Variants in PRKCQ observed in about 807,000 individuals in gnomAD.
The protein encoded by PRKCQ is protein kinase C theta type.
In PRKCQ, 41 loss-of-function variants were observed where a neutral mutation model predicts 91.2. That is an observed-to-expected ratio of 0.45 (90% CI 0.35 to 0.58). The LOEUF (loss-of-function observed/expected upper bound fraction) is 0.58, where lower values mean the gene tolerates loss of function less well. PRKCQ is among the 20% of genes least tolerant of loss of function. The pLI is 0.00. For missense variants in PRKCQ, 673 were observed against 896.5 expected, an observed-to-expected ratio of 0.75 and a Z score of 3.18; for synonymous variants, 307 against 316.9, an observed-to-expected ratio of 0.97 and a Z score of 0.33.
chr10:6,466,261 T>A (rs1218726225), intron 12 of PRKCQ, among the ~76,000 whole-genome samples: 5 of 152,202 alleles, frequency 3.3e-5, no homozygotes, highest in Non-Finnish European at 7.3e-5. Context: ...GGGAGGGGAC[T>A]GGAGGCAACA....
At chr10:6,557,074 T>G (rs1272069636) in intron 1 of PRKCQ, among the ~76,000 whole-genome samples, 1 of 152,194 alleles carries the variant, frequency 6.6e-6, no homozygotes, top group Non-Finnish European at 1.5e-5. Context: ...CCACTCCCGC[T>G]TATAAACACC....
In PRKCQ at chr10:6,485,915, G is replaced by C. The variant is rs998647755; in HGVS notation, c.900+120C>G. 1.9e-5 allele frequency: 15 copies of C among 798,618 alleles called. No homozygotes were observed. In the East Asian group the frequency reaches 3.6e-4, roughly 19 times the overall value. 49.5% of individuals were successfully genotyped at this position (798,618 alleles called of 1,614,324 possible). A position where few individuals can be genotyped will look rare whatever the true frequency, so the allele number is the denominator to read the frequency against. ...GGATATGAAAGCCAAGGGCAAGGCCGGTGCTCAGAAATACATCCCGGCATT... is the reference window on the plus strand; with the variant it reads ...GGATATGAAAGCCAAGGGCAAGGCCCGTGCTCAGAAATACATCCCGGCATT... On this transcript the variant is annotated intron_variant, in intron 9 of 17. Coordinates refer to ENST00000263125, the MANE Select transcript of PRKCQ (RefSeq NM_006257.5).
chr10:6,532,322 T>G (rs956976237), intron 1 of PRKCQ, among the ~76,000 whole-genome samples: 1 of 152,236 alleles, frequency 6.6e-6, no homozygotes, highest in African/African-American at 2.4e-5. Context: ...AAGAAAAACA[T>G]GGTTTAAAAA....
intron 1 of PRKCQ, among the ~76,000 whole-genome samples, chr10:6,541,907 G>A (rs1281306299): frequency 6.6e-6 from 1 of 152,016 alleles, no homozygotes; most frequent in African/African-American, 2.4e-5. Flanking sequence ...CATTTCAAAT[G>A]ATTTTTTTTC....
At chr10:6,534,774 C>CTCTATATA (rs1554780269) in intron 1 of PRKCQ, among the ~76,000 whole-genome samples, 3 of 142,796 alleles carry the variant, frequency 2.1e-5, no homozygotes, top group African/African-American at 8.0e-5. Context: ...AAACATATAT[C>CTCTATATA]TATATATATA....
the PRKCQ span, among the ~76,000 whole-genome samples, chr10:6,396,542 C>T: frequency 6.6e-6 from 1 of 152,352 alleles, no homozygotes; most frequent in Non-Finnish European, 1.5e-5. Flanking sequence ...ACTACATGGT[C>T]TTTTGTGACT....
intron 2 of PRKCQ, among the ~76,000 whole-genome samples, chr10:6,511,533 T>C (rs1238688113): frequency 6.6e-6 from 1 of 152,208 alleles, no homozygotes; most frequent in Admixed American, 6.5e-5. Flanking sequence ...TGACGAGAAT[T>C]GCCAAGGAAG....
intron 16 of PRKCQ, among the ~76,000 whole-genome samples, chr10:6,436,498 G>A (rs370266188): frequency 4.6e-5 from 7 of 152,066 alleles, no homozygotes; most frequent in African/African-American, 1.2e-4. Context: ...CAACCTCCAC[G>A]CCAAGCAAGA....
intron 13 of PRKCQ, 76 bp downstream of exon 13, chr10:6,464,237 G>T: frequency 7.5e-7 from 1 of 1,330,392 alleles, no homozygotes; most frequent in Non-Finnish European, 1.1e-6. Flanking sequence ...CATGCCAAGT[G>T]GGAAAAAAGG....
Position 6,455,313 on chromosome 10 carries a change from C to T in PRKCQ, c.1647+1361G>A, listed in dbSNP as rs550795695. On this transcript the variant is annotated intron_variant, in intron 15 of 17. Coordinates refer to ENST00000263125, the MANE Select transcript of PRKCQ (RefSeq NM_006257.5). ...AAACTGAATGAAACATAGATTTCTA[C>T]GATCAGAAAGTTATTTAATCAATAA... Among the ~76,000 whole-genome samples, 35 of 152,166 alleles carry T rather than the reference C, an allele frequency of 2.3e-4. 1 individual carries two copies. The highest frequency in any genetic ancestry group is 6.3e-4 in the African/African-American group (26 of 41,440).
At chr10:6,529,619 G>A (rs575345979) in intron 1 of PRKCQ, among the ~76,000 whole-genome samples, 5 of 152,314 alleles carry the variant, frequency 3.3e-5, no homozygotes, top group African/African-American at 1.2e-4. Flanking sequence ...AGAGACCCAG[G>A]AAGGAGTTAA....
intron 1 of PRKCQ, among the ~76,000 whole-genome samples, chr10:6,537,289 G>C (rs1839618712): frequency 6.6e-6 from 1 of 152,118 alleles, no homozygotes; most frequent in Non-Finnish European, 1.5e-5. Context: ...ACCTCTTAAG[G>C]AAATAAATGA....
chr10:6,448,413 T>C (rs1333375598), intron 15 of PRKCQ, among the ~76,000 whole-genome samples: 1 of 123,686 alleles, frequency 8.1e-6, no homozygotes, highest in Admixed American at 8.1e-5. Flanking sequence ...AGGTAGCACT[T>C]AATTTTTTTT....
At chr10:6,491,174 C>T (rs1564346909) in intron 8 of PRKCQ, among the ~76,000 whole-genome samples, 1 of 152,210 alleles carries the variant, frequency 6.6e-6, no homozygotes, top group African/African-American at 2.4e-5. Flanking sequence ...GATGGATGCT[C>T]AAGCTAATGT....
intron 4 of PRKCQ, among the ~76,000 whole-genome samples, chr10:6,501,888 G>A (rs1837935252): frequency 6.6e-6 from 1 of 152,014 alleles, no homozygotes; most frequent in Non-Finnish European, 1.5e-5. Flanking sequence ...CACTTATATT[G>A]GAGGCAAGGT....
In PRKCQ at chr10:6,459,019, C is replaced by T. The variant is rs1324148531; in HGVS notation, c.1509-2207G>A. The stretch of plus-strand genomic sequence containing the variant: ...CCACCACACCTGCTTCTCCACATCT[C>T]ATGCTTTTCATCGACCAACAGCAGC... On this transcript the variant is annotated intron_variant, in intron 14 of 17. Coordinates refer to ENST00000263125, the MANE Select transcript of PRKCQ (RefSeq NM_006257.5). Among the ~76,000 whole-genome samples, 12 of 152,282 alleles carry T rather than the reference C, an allele frequency of 7.9e-5. No homozygotes were observed. The East Asian group carries it at 1.9e-3, about 24-fold the overall frequency.
rs1386573225 is a variant in PRKCQ at position 6,449,714 on chromosome 10, G to A, written c.1647+6960C>T. Among the ~76,000 whole-genome samples, 26 of 152,220 alleles carry A rather than the reference G, an allele frequency of 1.7e-4. No homozygotes were observed. In the East Asian group the frequency reaches 2.1e-3, roughly 12 times the overall value. ...TCGGGTTACCCACAAAGGGAAGCCC[G>A]TCAGACTAACAGCTGATCTCTCGGC... On this transcript the variant is annotated intron_variant, in intron 15 of 17. Coordinates refer to ENST00000263125, the MANE Select transcript of PRKCQ (RefSeq NM_006257.5).
intron 4 of PRKCQ, among the ~76,000 whole-genome samples, chr10:6,500,341 C>G (rs754572441): frequency 6.6e-6 from 1 of 151,656 alleles, no homozygotes; most frequent in African/African-American, 2.4e-5. Context: ...TATGGGGACC[C>G]TATACAGGTT....
rs1399505896 is a variant in PRKCQ, at chr10:6,491,765, G to A, written c.708C>T (p.Val236=). 2 of 1,614,186 alleles carry A rather than the reference G, an allele frequency of 1.2e-6. No individual in the cohort carries two copies. The highest frequency in any genetic ancestry group is 3.3e-5 in the Admixed American group (2 of 60,022). Residue 236 remains valine (V), a synonymous_variant, in exon 8 of 18, where the codon GTC becomes GTT. Coordinates refer to ENST00000263125, the MANE Select transcript of PRKCQ (RefSeq NM_006257.5). Reference sequence around the variant, plus strand: ...AGAAGGTCGGGCTCTTGTAATTGTAGACTTTAAATCTGTGTGGCATGTCAA... The same window carrying A: ...AGAAGGTCGGGCTCTTGTAATTGTAAACTTTAAATCTGTGTGGCATGTCAA... ...FKIDMPHRFK[V]YNYKSPTFCE...
Sources: allele counts gnomAD v4.1 joint callset (sites outside exome capture counted in the v4.1 genomes callset), GRCh38; gene constraint gnomAD v4.1.1; transcripts MANE v1.5; gene names NCBI Gene and HGNC (gene_info 2026-07-23, HGNC 2026-07-21).